NAALAD2: variants seen among roughly 807,000 people sequenced by gnomAD.
The protein encoded by NAALAD2 is N-acetylated-alpha-linked acidic dipeptidase 2.
A neutral mutation model predicts 95.6 loss-of-function variants in NAALAD2; 89 were observed. The ratio of observed to expected loss-of-function variants is 0.93; its 90% confidence interval spans 0.78 to 1.11. The LOEUF (loss-of-function observed/expected upper bound fraction) is 1.11. Among genes scored for constraint, NAALAD2 ranks in the 50% least tolerant of loss-of-function variants. The pLI, the probability that NAALAD2 is intolerant of heterozygous loss-of-function variation, is 0.00. For synonymous variants in NAALAD2, 264 were observed against 294.4 expected (o/e 0.90, Z 1.06); for missense variants, 894 against 872.4 (o/e 1.02, Z -0.31).
intron 8 of NAALAD2, among the ~76,000 whole-genome samples, chr11:90,159,726 G>A (rs925072909): frequency 2.7e-4 from 41 of 152,074 alleles, no homozygotes; most frequent in African/African-American, 7.0e-4. Flanking sequence ...TGAGGCGGGC[G>A]GATCACCTGA....
At chr11:90,170,016 G>A in intron 12 of NAALAD2, 53 bp from the exon 13 acceptor site, 1 of 1,039,428 alleles carries the variant, frequency 9.6e-7, no homozygotes, top group African/African-American at 1.6e-5. Flanking sequence ...TTAAACAAAT[G>A]GAATTTCATT....
intron 18 of NAALAD2, among the ~76,000 whole-genome samples, chr11:90,188,931 A>T (rs900534013): frequency 1.3e-5 from 2 of 152,160 alleles, no homozygotes; most frequent in African/African-American, 4.8e-5. Flanking sequence ...CTAACCCCAG[A>T]ACCTTTGAAT....
intron 1 of NAALAD2, 97 bp downstream of exon 1, chr11:90,134,937 G>T: frequency 7.4e-7 from 1 of 1,344,368 alleles, no homozygotes; most frequent in Non-Finnish European, 1.1e-6. Flanking sequence ...TGGGCTGTGC[G>T]CTAGCCCTGG....
At chr11:90,174,443 T>G (rs750236441) in intron 14 of NAALAD2, among the ~76,000 whole-genome samples, 1 of 152,212 alleles carries the variant, frequency 6.6e-6, no homozygotes, top group Non-Finnish European at 1.5e-5. Context: ...TTGCAAATTT[T>G]TAGCCAAAAT....
intron 2 of NAALAD2, among the ~76,000 whole-genome samples, chr11:90,145,466 A>G (rs1298625532): frequency 6.6e-6 from 1 of 152,232 alleles, no homozygotes; most frequent in Non-Finnish European, 1.5e-5. Context: ...AAACAAAAAT[A>G]ATGAATTGTA....
At chr11:90,155,582 T>C (rs1952073870) in intron 6 of NAALAD2, among the ~76,000 whole-genome samples, 1 of 77,490 alleles carries the variant, frequency 1.3e-5, no homozygotes. Context: ...ATAATATATA[T>C]GTAATATATA....
chr11:90,144,373 G>A (rs1951696402), intron 2 of NAALAD2, among the ~76,000 whole-genome samples: 1 of 152,138 alleles, frequency 6.6e-6, no homozygotes, highest in African/African-American at 2.4e-5. Context: ...CTGAATTTTA[G>A]CCATGAGCTA....
Position 90,158,151 on chromosome 11 carries a change from C to T in NAALAD2, c.803C>T (p.Thr268Ile). The change falls in exon 7 of 19, where the codon ACT becomes ATT. Residue 268 changes from threonine (T) to isoleucine (I), a missense_variant. Transcript: ENST00000534061. ...ATGCATTTGATTTTTTTAGAATACACTTTCAGACTTGATGTTGAAGAAGGA... is the reference window on the plus strand; with the variant it reads ...ATGCATTTGATTTTTTTAGAATACATTTTCAGACTTGATGTTGAAGAAGGA... ...LTPGYPAKEY[T>I]FRLDVEEGVG... The T allele has an allele frequency of 6.2e-7, 1 of 1,603,654 alleles. No homozygotes were observed. The highest frequency in any genetic ancestry group is 8.5e-7 in the Non-Finnish European group (1 of 1,172,840).
chr11:90,163,523 C>T lies in NAALAD2; in HGVS notation c.1196-12C>T, dbSNP rs750257898. 6.2e-7 allele frequency: 1 copy of T among 1,613,580 alleles called. No individual in the cohort carries two copies. The highest frequency in any genetic ancestry group is 1.1e-5 in the South Asian group (1 of 91,028). ...AGTTGTACCTAACCACGTGTGTTAA[C>T]AATTCTTACAGGCTGGAGACCTAGA... On this transcript the variant is annotated splice_polypyrimidine_tract_variant and intron_variant, in intron 10 of 18. Coordinates refer to ENST00000534061, the MANE Select transcript of NAALAD2 (RefSeq NM_005467.4).
At chr11:90,159,780 G>A (rs949657824) in intron 8 of NAALAD2, among the ~76,000 whole-genome samples, 2 of 151,522 alleles carry the variant, frequency 1.3e-5, no homozygotes, top group Non-Finnish European at 2.9e-5. Context: ...GAGAAACCCC[G>A]TTTCTACTAA....
chr11:90,164,485 C>G (rs1018711944), intron 11 of NAALAD2: 4 of 152,110 alleles, frequency 2.6e-5, no homozygotes, highest in Admixed American at 6.5e-5. Context: ...TTGGCATTTC[C>G]TGCCTGCCTT....
At chr11:90,169,416 TACTC>T (rs537290720) in intron 12 of NAALAD2, 235 of 156,158 alleles carry the variant, frequency 1.5e-3, no homozygotes, top group East Asian at 9.5e-3. Context: ...TGTACTCACT[TACTC>T]ACTCCTTTTG....
At chr11:90,151,618 C>G (rs1951889078) in intron 5 of NAALAD2, among the ~76,000 whole-genome samples, 1 of 152,116 alleles carries the variant, frequency 6.6e-6, no homozygotes. Flanking sequence ...AGATTATACT[C>G]TTAGTGATAT....
intron 1 of NAALAD2, 51 bp downstream of exon 1, chr11:90,134,891 A>G: frequency 6.3e-7 from 1 of 1,592,272 alleles, no homozygotes; most frequent in Non-Finnish European, 8.6e-7. Context: ...GATTCTCTGC[A>G]GAGATAAAGG....
chr11:90,146,605 T>C (rs1047074814), intron 2 of NAALAD2, among the ~76,000 whole-genome samples: 9 of 151,986 alleles, frequency 5.9e-5, no homozygotes, highest in African/African-American at 2.2e-4. Flanking sequence ...CCTCAGTTGA[T>C]CCACCCTCCT....
At chr11:90,134,869 T>G in intron 1 of NAALAD2, 29 bp downstream of exon 1, 1 of 1,607,448 alleles carries the variant, frequency 6.2e-7, no homozygotes, top group South Asian at 1.1e-5. Flanking sequence ...CTACCCCGAC[T>G]CCGGGGCTCG....
rs1277379622 is a variant in NAALAD2, at chr11:90,192,486, G to A, written c.*739G>A. ...GGAGGATGGCTGCAAAGAAGTATGA[G>A]GAAACTTTCTCCAATAGATGAGAAT... On this transcript the variant is annotated 3_prime_UTR_variant, in exon 19 of 19. Coordinates refer to ENST00000534061, the MANE Select transcript of NAALAD2 (RefSeq NM_005467.4). The A allele has an allele frequency of 2.0e-5, 3 of 151,980 alleles. No individual in the cohort carries two copies. Among genetic ancestry groups the A allele is most frequent in the African/African-American group, 7.2e-5 (3 of 41,408 alleles). 9.4% of individuals were successfully genotyped at this position (151,980 alleles called of 1,614,324 possible).
intron 11 of NAALAD2, among the ~76,000 whole-genome samples, chr11:90,168,709 A>G (rs555653951): frequency 2.2e-4 from 34 of 152,174 alleles, no homozygotes; most frequent in African/African-American, 7.9e-4. Flanking sequence ...AACAGTAGCT[A>G]TTGCTTCATA....
At chr11:90,183,710 C>A (rs937919591) in intron 18 of NAALAD2, among the ~76,000 whole-genome samples, 1 of 152,122 alleles carries the variant, frequency 6.6e-6, no homozygotes, top group South Asian at 2.1e-4. Context: ...TTCAACACTT[C>A]ATTATAGAAT....
Sources: gnomAD v4.1 joint callset for allele counts (sites outside exome capture counted in the v4.1 genomes callset) on GRCh38, gnomAD v4.1.1 for gene constraint, MANE v1.5 for transcripts, NCBI Gene and HGNC (gene_info 2026-07-23, HGNC 2026-07-21) for gene names.